HIVEP3: variants seen among roughly 807,000 people sequenced by gnomAD.
HIVEP3 encodes HIVEP zinc finger 3.
In HIVEP3, 49 loss-of-function variants were observed where a neutral mutation model predicts 152.8. That is an observed-to-expected ratio of 0.32 (90% CI 0.26 to 0.41). HIVEP3 has a LOEUF of 0.41. HIVEP3 is among the 10% of genes least tolerant of loss of function. The probability of loss-of-function intolerance (pLI) is 1.00; values close to 1 mark genes in which losing one functional copy is unlikely to be tolerated. For missense variants in HIVEP3, 2,790 were observed against 3,103.3 expected (o/e 0.90, Z 2.40); for synonymous variants, 1,269 against 1,289.0 (o/e 0.98, Z 0.33).
At chr1:41,644,581 C>T (rs1468865879) in intron 2 of HIVEP3, among the ~76,000 whole-genome samples, 1 of 152,080 alleles carries the variant, frequency 6.6e-6, no homozygotes, top group Non-Finnish European at 1.5e-5. Flanking sequence ...TGGCCTCTAA[C>T]TCTCAGAATA....
chr1:41,562,947 C>T (rs1003762502), intron 5 of HIVEP3, among the ~76,000 whole-genome samples: 2 of 152,030 alleles, frequency 1.3e-5, no homozygotes, highest in African/African-American at 2.4e-5. Context: ...ACTCTCCCCC[C>T]ACCCACCCCA....
At chr1:41,880,261 G>A (rs536866827) in intron 1 of HIVEP3, among the ~76,000 whole-genome samples, 1 of 152,064 alleles carries the variant, frequency 6.6e-6, no homozygotes, top group East Asian at 1.9e-4. Flanking sequence ...GGCTGGTCCC[G>A]AACTCCTAGG....
At chr1:41,710,021 C>G (rs1646489957) in intron 1 of HIVEP3, among the ~76,000 whole-genome samples, 1 of 152,170 alleles carries the variant, frequency 6.6e-6, no homozygotes, top group African/African-American at 2.4e-5. Flanking sequence ...AGGGAAGTTT[C>G]TAGCTGTGCC....
At chr1:41,657,202 G>A (rs141829326) in intron 2 of HIVEP3, among the ~76,000 whole-genome samples, 38 of 152,342 alleles carry the variant, frequency 2.5e-4, no homozygotes, top group African/African-American at 9.1e-4. Context: ...CACAAGCCGG[G>A]TGTTTACACC....
At chr1:41,815,506 G>A (rs1651206553) in intron 1 of HIVEP3, among the ~76,000 whole-genome samples, 2 of 152,026 alleles carry the variant, frequency 1.3e-5, no homozygotes, top group African/African-American at 2.4e-5. Context: ...AGAAAAGAAA[G>A]TTCTAGACAG....
chr1:41,653,411 G>A (rs964379565), intron 2 of HIVEP3, among the ~76,000 whole-genome samples: 1 of 152,242 alleles, frequency 6.6e-6, no homozygotes, highest in Non-Finnish European at 1.5e-5. Flanking sequence ...AACTCCTGCA[G>A]GATAAGGGTC....
At chr1:41,570,809 A>G (rs1265117163) in intron 5 of HIVEP3, among the ~76,000 whole-genome samples, 1 of 152,238 alleles carries the variant, frequency 6.6e-6, no homozygotes, top group Non-Finnish European at 1.5e-5. Flanking sequence ...CTGAGGTGTG[A>G]GGAGCCCAAA....
chr1:41,583,956 C>G lies in HIVEP3; in HGVS notation c.842G>C (p.Ser281Thr). ...ACTAGTCTCCTCTTCAGAATCTGTG[C>G]TTTCTCCCTCAGTGGGCTCCTCAAA... ...EEFEEPTEGE[S>T]TDSEEETSAT... is the part of the protein sequence containing the mutation. The change falls in exon 4 of 9, where the codon AGC becomes ACC. Residue 281 changes from serine to threonine, a missense_variant. Physicochemically the swap from Ser to Thr is moderately conservative, Grantham distance 58. This residue lies in a region of HIVEP3 where 125 missense variants were observed against 130.1 expected (regional missense o/e 0.96). Coordinates refer to ENST00000372583, the MANE Select transcript of HIVEP3 (RefSeq NM_024503.5). The surrounding 1 kb of genome is among the most constrained non-coding windows in gnomAD (Gnocchi z 6.9). 6.2e-7 allele frequency: 1 copy of G among 1,614,166 alleles called. No individual in the cohort carries two copies. The highest frequency in any genetic ancestry group is 8.5e-7 in the Non-Finnish European group (1 of 1,180,018).
intron 1 of HIVEP3, among the ~76,000 whole-genome samples, chr1:41,858,850 C>T (rs1050662496): frequency 1.3e-5 from 2 of 152,048 alleles, no homozygotes; most frequent in Admixed American, 1.3e-4. Context: ...AGGAGGGGGT[C>T]TAGTGGGAGA....
chr1:41,564,742 A>G (rs1358675089), intron 5 of HIVEP3, among the ~76,000 whole-genome samples: 1 of 152,256 alleles, frequency 6.6e-6, no homozygotes, highest in Non-Finnish European at 1.5e-5. Context: ...GGATCAAAGT[A>G]TTTCCCTCTC....
At chr1:41,998,646 C>T (rs72672711) in intron 1 of HIVEP3, among the ~76,000 whole-genome samples, 4,297 of 151,936 alleles carry the variant, frequency 0.028, 174 homozygotes, top group African/African-American at 0.095. Flanking sequence ...AATGCCAAAG[C>T]CAATTGTTGA....
chr1:41,731,838 T>C (rs941919477), intron 1 of HIVEP3, among the ~76,000 whole-genome samples: 1 of 152,258 alleles, frequency 6.6e-6, no homozygotes, highest in Non-Finnish European at 1.5e-5. Context: ...TGCTTCTGAA[T>C]TCTTAACCTA....
intron 1 of HIVEP3, among the ~76,000 whole-genome samples, chr1:41,706,605 G>A (rs1320962782): frequency 6.6e-6 from 1 of 152,188 alleles, no homozygotes; most frequent in African/African-American, 2.4e-5. Flanking sequence ...TTTAAAAAGA[G>A]AGATAACTAG....
At chr1:41,871,826 C>A (rs760231622) in intron 1 of HIVEP3, among the ~76,000 whole-genome samples, 4 of 152,130 alleles carry the variant, frequency 2.6e-5, no homozygotes, top group Admixed American at 6.5e-5. Flanking sequence ...TCAAGAAGCT[C>A]AAAATCCTCA....
intron 5 of HIVEP3, among the ~76,000 whole-genome samples, chr1:41,546,607 C>G (rs545908511): frequency 6.6e-6 from 1 of 152,264 alleles, no homozygotes; most frequent in South Asian, 2.1e-4. Context: ...AAGGCCTTGC[C>G]CAAGGTCACA....
chr1:41,793,823 A>C (rs12084226), intron 1 of HIVEP3, among the ~76,000 whole-genome samples: 54 of 152,266 alleles, frequency 3.5e-4, no homozygotes, highest in African/African-American at 1.3e-3. Flanking sequence ...AAACGTAGAA[A>C]TGCACAAAGA....
intron 2 of HIVEP3, among the ~76,000 whole-genome samples, chr1:41,636,787 C>T (rs890877328): frequency 5.9e-5 from 9 of 151,988 alleles, no homozygotes; most frequent in South Asian, 2.1e-4. Context: ...GGTGAAACCC[C>T]GTCTCTACTA....
At chr1:41,568,961 C>T (rs994589619) in intron 5 of HIVEP3, among the ~76,000 whole-genome samples, 1 of 152,120 alleles carries the variant, frequency 6.6e-6, no homozygotes, top group Non-Finnish European at 1.5e-5. Context: ...TTCATACTGT[C>T]GTCACTATAG....
intron 1 of HIVEP3, among the ~76,000 whole-genome samples, chr1:41,707,865 A>G (rs1427707915): frequency 6.6e-6 from 1 of 152,264 alleles, no homozygotes; most frequent in African/African-American, 2.4e-5. Flanking sequence ...TACATGCTCA[A>G]TAACGGTTTG....
Sources: gnomAD v4.1 joint callset for allele counts (sites outside exome capture counted in the v4.1 genomes callset) on GRCh38, gnomAD v4.1.1 for gene constraint, gnomAD v4.1.1 regional missense constraint, Gnocchi (gnomAD v3.1) non-coding constraint, MANE v1.5 for transcripts, NCBI Gene and HGNC (gene_info 2026-07-23, HGNC 2026-07-21) for gene names.